Variants in DAB2IP observed in about 807,000 individuals in gnomAD.
DAB2IP encodes the protein DAB2 interacting protein.
Under a neutral mutation model 107.2 loss-of-function variants are expected in DAB2IP, and 28 were observed. That is an observed-to-expected ratio of 0.26 (90% confidence interval 0.19 to 0.36). The LOEUF (loss-of-function observed/expected upper bound fraction) is 0.36, where lower values mean the gene tolerates loss of function less well. Ranked by LOEUF, DAB2IP falls within the 10% of genes least tolerant of loss-of-function variation. The pLI, the probability that DAB2IP is intolerant of heterozygous loss-of-function variation, is 1.00. For missense variants in DAB2IP, 1,400 were observed against 1,644.7 expected (o/e 0.85, Z 2.57); for synonymous variants, 755 against 706.4 (o/e 1.07, Z -1.09).
At position 121,699,674 on chromosome 9, in the gene DAB2IP, G is replaced by T. The variant is rs2118731359; in HGVS notation, c.362+216G>T. On this transcript the variant is annotated intron_variant, in intron 3 of 15. Transcript: ENST00000408936. This position sits in a 1 kb window ranked among gnomAD's most constrained non-coding sequence, Gnocchi z 6.2. ...CCTCCGGGGTTAGGTGAGTAGAAGA[G>T]AGGAGAGCAGAGGGTGCCCGCGGCG... Among the ~76,000 whole-genome samples, 1 of 152,148 alleles carries T rather than the reference G, an allele frequency of 6.6e-6. No individual in the cohort carries two copies. Among genetic ancestry groups the T allele is most frequent in the Admixed American group, 6.5e-5 (1 of 15,300 alleles).
chr9:121,761,127 C>T (rs1490671447), intron 6 of DAB2IP, among the ~76,000 whole-genome samples: 3 of 152,196 alleles, frequency 2.0e-5, no homozygotes, highest in East Asian at 3.9e-4. Context: ...CCATGCAAGC[C>T]GTGCCTCAGC....
intron 5 of DAB2IP, 138 bp from the exon 6 acceptor site, chr9:121,759,747 A>G (rs1833751351): frequency 1.4e-6 from 1 of 707,920 alleles, no homozygotes; most frequent in East Asian, 2.7e-5. Context: ...CCTCATCCTG[A>G]CTTAGGGCCT....
At chr9:121,620,965 T>C (rs2789876) in intron 1 of DAB2IP, among the ~76,000 whole-genome samples, 55,589 of 152,220 alleles carry the variant, frequency 0.37, 12,385 homozygotes, top group Non-Finnish European at 0.51. Flanking sequence ...TCCTTTCTCC[T>C]AACAACCACT....
upstream of DAB2IP, among the ~76,000 whole-genome samples, chr9:121,649,393 C>G (rs966142729): frequency 1.4e-5 from 2 of 142,262 alleles, no homozygotes; most frequent in Non-Finnish European, 1.6e-5. Flanking sequence ...GTTACTGCCC[C>G]CTCTCCCCTC....
Position 121,782,996 on chromosome 9 carries a change from G to A in DAB2IP, c.*498G>A. 2 of 1,020,554 alleles carry A rather than the reference G, an allele frequency of 2.0e-6. No individual in the cohort carries two copies. Among genetic ancestry groups the A allele is most frequent in the Non-Finnish European group, 2.4e-6 (2 of 850,750 alleles). 63.2% of individuals were successfully genotyped at this position (1,020,554 alleles called of 1,614,324 possible). A position where few individuals can be genotyped will look rare whatever the true frequency, so the allele number is the denominator to read the frequency against. ...GTGGGACCTGGCACTTGGCAGATCAGTTGGCAGGCAGGAAGATAGGAGGAC... is the reference window on the plus strand; with the variant it reads ...GTGGGACCTGGCACTTGGCAGATCAATTGGCAGGCAGGAAGATAGGAGGAC... On this transcript the variant is annotated 3_prime_UTR_variant, in exon 16 of 16. Transcript: ENST00000408936. This position sits in a 1 kb window ranked among gnomAD's most constrained non-coding sequence, Gnocchi z 6.1.
intron 2 of DAB2IP, among the ~76,000 whole-genome samples, chr9:121,683,926 G>A (rs1226162709): frequency 6.6e-6 from 1 of 152,140 alleles, no homozygotes; most frequent in Non-Finnish European, 1.5e-5. Context: ...ATGGGTTCAG[G>A]GCCTGGAGAG....
chr9:121,733,379 C>T lies in DAB2IP; in HGVS notation c.363-23634C>T, dbSNP rs180838033. 5.9e-3 allele frequency among the ~76,000 whole-genome samples: 898 copies of T among 152,344 alleles called. 11 individuals carry two copies. The highest frequency in any genetic ancestry group is 0.021 in the African/African-American group (858 of 41,572). On this transcript the variant is annotated intron_variant, in intron 3 of 15. Transcript: ENST00000408936. ...GAGGTATTCCTTGACAGTCGTGGCC[C>T]AGACTCTCTTGTCATTCAAAGAAAT...
intron 1 of DAB2IP, among the ~76,000 whole-genome samples, chr9:121,657,882 G>T (rs531561276): frequency 9.8e-5 from 15 of 152,288 alleles, no homozygotes; most frequent in African/African-American, 3.6e-4. Flanking sequence ...CCAGTACCAG[G>T]AGCCAACTGT....
chr9:121,586,247 C>T (rs184552708), intron 1 of DAB2IP, among the ~76,000 whole-genome samples: 30 of 152,258 alleles, frequency 2.0e-4, no homozygotes, highest in East Asian at 3.9e-4. Context: ...CTATGATTAC[C>T]GAACACAGCC....
chr9:121,577,412 G>A (rs1029944174), intron 1 of DAB2IP, among the ~76,000 whole-genome samples: 28 of 152,232 alleles, frequency 1.8e-4, no homozygotes, highest in African/African-American at 6.5e-4. Context: ...GCCTCTGTGT[G>A]TGCGCACACG....
chr9:121,568,998 G>A lies in DAB2IP; in HGVS notation c.40+1770G>A, dbSNP rs570225208. On this transcript the variant is annotated intron_variant, in intron 1 of 16. Transcript: ENST00000259371. The stretch of plus-strand genomic sequence containing the variant: ...AGGCAGGGAGGTAAGGGATTCAAGA[G>A]GAAGAGGAAAGGGACAGAGGGGGCC... Among the ~76,000 whole-genome samples, 9 of 152,334 alleles carry A rather than the reference G, an allele frequency of 5.9e-5. No individual in the cohort carries two copies. The South Asian group carries it at 1.4e-3, about 25-fold the overall frequency.
rs544819488 is a variant in DAB2IP at position 121,698,774 on chromosome 9, G to T, written c.229-551G>T. Among the ~76,000 whole-genome samples the T allele has an allele frequency of 6.6e-6, 1 of 152,194 alleles. No individual in the cohort carries two copies. Among genetic ancestry groups the T allele is most frequent in the Non-Finnish European group, 1.5e-5 (1 of 68,030 alleles). On this transcript the variant is annotated intron_variant, in intron 2 of 15. Transcript: ENST00000408936. This position sits in a 1 kb window ranked among gnomAD's most constrained non-coding sequence, Gnocchi z 4.1. ...AGCCGACCACGCGCCCGCTCTCATC[G>T]GTACCACCGAGGGCTGGAGAGCAGC...
At position 121,581,466 on chromosome 9, in the gene DAB2IP, A is replaced by AGAAGG. The variant is rs376325757; in HGVS notation, c.40+14244_40+14248dup. 3.9e-3 allele frequency among the ~76,000 whole-genome samples: 596 copies of AGAAGG among 152,310 alleles called. 8 individuals are homozygous for AGAAGG. The highest frequency in any genetic ancestry group is 0.013 in the African/African-American group (560 of 41,568). Reference sequence around the variant, plus strand: ...CAGACTCTTAGGGAACAAGAGAAAGAGAAGGGAAGGTGCATGAGCATTTTG... The same window carrying AGAAGG: ...CAGACTCTTAGGGAACAAGAGAAAGAGAAGGGAAGGGAAGGTGCATGAGCATTTTG... On this transcript the variant is annotated intron_variant, in intron 1 of 16. Transcript: ENST00000259371.
At chr9:121,604,881 C>G (rs1321292101) in intron 1 of DAB2IP, among the ~76,000 whole-genome samples, 2 of 152,220 alleles carry the variant, frequency 1.3e-5, no homozygotes, top group South Asian at 4.1e-4. Flanking sequence ...AACTGCCGTG[C>G]CTGCACCCCC....
rs141516771 is a variant in DAB2IP, at chr9:121,759,697, G to A, written c.616-188G>A. Among the ~76,000 whole-genome samples, 255 of 152,302 alleles carry A rather than the reference G, an allele frequency of 1.7e-3. 3 individuals carry two copies. The highest frequency in any genetic ancestry group is 5.9e-3 in the African/African-American group (245 of 41,582). On this transcript the variant is annotated intron_variant, in intron 5 of 15. Coordinates refer to ENST00000408936, the Ensembl canonical transcript of DAB2IP. The stretch of plus-strand genomic sequence containing the variant: ...TTGCCCAAGGTGAGTGAGCTTCTGT[G>A]AGGTCGACCAGAGATCCAGCCCTTG...
At chr9:121,707,905 C>T (rs1467058210) in intron 3 of DAB2IP, among the ~76,000 whole-genome samples, 2 of 152,188 alleles carry the variant, frequency 1.3e-5, no homozygotes, top group Non-Finnish European at 2.9e-5. Flanking sequence ...TTCTTTCCCT[C>T]TTTCCAACTT....
At chr9:121,770,942 G>GTTTTGTTTTGTTTTA (rs113457092) in intron 11 of DAB2IP, among the ~76,000 whole-genome samples, 7 of 152,056 alleles carry the variant, frequency 4.6e-5, no homozygotes, top group African/African-American at 1.7e-4. Context: ...GTTTTGTTTT[G>GTTTTGTTTTGTTTTA]GGAAAAGTAG....
intron 8 of DAB2IP, among the ~76,000 whole-genome samples, chr9:121,764,549 A>G (rs966643377): frequency 6.6e-6 from 1 of 152,190 alleles, no homozygotes; most frequent in Non-Finnish European, 1.5e-5. Flanking sequence ...GGTGCCGAGT[A>G]TAGCCTCGTT....
intron 3 of DAB2IP, among the ~76,000 whole-genome samples, chr9:121,750,615 G>T (rs941749740): frequency 6.6e-6 from 1 of 152,148 alleles, no homozygotes; most frequent in Non-Finnish European, 1.5e-5. Context: ...TTTGGAGGGT[G>T]ACCCTGAGCC....
Sources: gnomAD v4.1 joint callset for allele counts (sites outside exome capture counted in the v4.1 genomes callset) on GRCh38, gnomAD v4.1.1 for gene constraint, Gnocchi (gnomAD v3.1) non-coding constraint, MANE v1.5 for transcripts, NCBI Gene and HGNC (gene_info 2026-07-23, HGNC 2026-07-21) for gene names.